The following INTS4 variants were observed in gnomAD, a reference collection of about 807,000 sequenced individuals.
INTS4 encodes integrator complex subunit 4, also known as MSTP093.
In INTS4, 70 loss-of-function variants were observed where a neutral mutation model predicts 119.5. That is an observed-to-expected ratio of 0.59 (90% CI 0.48 to 0.71). The LOEUF is 0.71. INTS4 is among the 30% of genes least tolerant of loss of function. The pLI is 0.00. For missense variants in INTS4, 867 were observed against 1,173.2 expected, an observed-to-expected ratio of 0.74 and a Z score of 3.81; for synonymous variants, 316 against 419.6, an observed-to-expected ratio of 0.75 and a Z score of 3.02.
intron 4 of INTS4, chr11:77,978,283 T>A (rs1313525141): frequency 6.6e-6 from 1 of 152,200 alleles, no homozygotes; most frequent in East Asian, 1.9e-4. Context: ...CTTTCCTGCA[T>A]CTCTGAGATA....
In INTS4 at chr11:77,917,912, G is replaced by C; in HGVS notation, c.1922+909C>G. The stretch of plus-strand genomic sequence containing the variant: ...CCCAGAATAAAGACTGCATGTCCTC[G>C]CTCCTTGAAGTGAGAGATGGCCATG... On this transcript the variant is annotated intron_variant, in intron 15 of 22. Transcript: ENST00000534064. 6.7e-6 allele frequency: 4 copies of C among 594,812 alleles called. No homozygotes were observed. The South Asian group carries it at 7.5e-5, about 11-fold the overall frequency. 36.8% of individuals were successfully genotyped at this position (594,812 alleles called of 1,614,324 possible). A position where few individuals can be genotyped will look rare whatever the true frequency, so the allele number is the denominator to read the frequency against.
chr11:77,902,844 T>C (rs375109628), intron 17 of INTS4, among the ~76,000 whole-genome samples: 1 of 152,176 alleles, frequency 6.6e-6, no homozygotes, highest in Admixed American at 6.5e-5. Context: ...TAAAGCCTAC[T>C]TAATGAACTA....
intron 18 of INTS4, among the ~76,000 whole-genome samples, chr11:77,901,179 T>A (rs917291760): frequency 6.6e-6 from 1 of 152,212 alleles, no homozygotes; most frequent in South Asian, 2.1e-4. Flanking sequence ...TTGTGCTATA[T>A]GTAATGGAGA....
chr11:77,965,932 A>G (rs1459872254), intron 4 of INTS4, among the ~76,000 whole-genome samples: 1 of 152,202 alleles, frequency 6.6e-6, no homozygotes, highest in Non-Finnish European at 1.5e-5. Flanking sequence ...ACTAATTTAC[A>G]TCTTCGCCAA....
At chr11:77,980,673 G>T (rs901621723) in intron 3 of INTS4, among the ~76,000 whole-genome samples, 27 of 152,170 alleles carry the variant, frequency 1.8e-4, no homozygotes, top group Non-Finnish European at 3.7e-4. Context: ...CCTAACCTGT[G>T]CCTAGCCTGT....
intron 8 of INTS4, among the ~76,000 whole-genome samples, chr11:77,942,376 G>A (rs1398704957): frequency 6.6e-6 from 1 of 152,160 alleles, no homozygotes; most frequent in African/African-American, 2.4e-5. Context: ...CAAATGGAAC[G>A]TAAGATAGGG....
At chr11:77,895,853 A>C (rs376293730) in intron 18 of INTS4, among the ~76,000 whole-genome samples, 2 of 152,232 alleles carry the variant, frequency 1.3e-5, no homozygotes, top group African/African-American at 4.8e-5. Flanking sequence ...ATATACATGA[A>C]GTAGGCCTCT....
chr11:77,923,654 T>C (rs1268013855), intron 12 of INTS4, among the ~76,000 whole-genome samples: 1 of 152,144 alleles, frequency 6.6e-6, no homozygotes, highest in East Asian at 1.9e-4. Context: ...TAGCAAAGTG[T>C]CTGTCACATA....
chr11:77,991,140 C>T lies in INTS4; in HGVS notation c.214G>A (p.Val72Ile). Residue 72 changes from valine to isoleucine, a missense_variant, in exon 2 of 23, where the codon GTA (valine) becomes ATA (isoleucine). Coordinates refer to ENST00000534064, the MANE Select transcript of INTS4 (RefSeq NM_033547.4). ...TAATGTTCCAAGAGAATCCTGACTA[C>T]TCCCTCTACGCTTTCCGCCTCGACA... is the stretch of plus-strand genomic sequence containing the variant. ...KPVEAESVEGVVRILLEHYYK... is the reference protein window; with the variant it reads ...KPVEAESVEGIVRILLEHYYK... 6.2e-7 allele frequency: 1 copy of T among 1,614,184 alleles called. No individual in the cohort carries two copies. The highest frequency in any genetic ancestry group is 8.5e-7 in the Non-Finnish European group (1 of 1,180,018).
intron 7 of INTS4, among the ~76,000 whole-genome samples, chr11:77,956,636 T>C (rs11826938): frequency 0.58 from 87,096 of 150,052 alleles, 25,580 homozygotes; most frequent in African/African-American, 0.61. Flanking sequence ...GAACCTGGAA[T>C]GTGGAGGTTG....
rs563987719 is a variant in INTS4 at position 77,961,574 on chromosome 11, A to T, written c.472-436T>A. On this transcript the variant is annotated intron_variant, in intron 4 of 22. Coordinates refer to ENST00000534064, the MANE Select transcript of INTS4 (RefSeq NM_033547.4). ...ATTTTCACAAATACACATATATAAC[A>T]AGCACCCAGATTAAATAGTATATAA... is the stretch of plus-strand genomic sequence containing the variant. 3.9e-5 allele frequency among the ~76,000 whole-genome samples: 6 copies of T among 152,302 alleles called. No homozygotes were observed. In the East Asian group the frequency reaches 1.2e-3, roughly 29 times the overall value.
At chr11:77,973,181 T>C (rs1362661777) in intron 4 of INTS4, among the ~76,000 whole-genome samples, 1 of 152,210 alleles carries the variant, frequency 6.6e-6, no homozygotes, top group East Asian at 1.9e-4. Flanking sequence ...AATTGAATTA[T>C]TTTCCTAATT....
At chr11:77,966,306 C>T (rs1855502729) in intron 4 of INTS4, among the ~76,000 whole-genome samples, 1 of 152,064 alleles carries the variant, frequency 6.6e-6, no homozygotes, top group African/African-American at 2.4e-5. Context: ...TTGATACAGT[C>T]CCATTTGTCT....
At chr11:77,895,568 A>G (rs565276810) in intron 18 of INTS4, among the ~76,000 whole-genome samples, 1 of 148,054 alleles carries the variant, frequency 6.8e-6, no homozygotes, top group Non-Finnish European at 1.5e-5. Flanking sequence ...GTAGCACTTG[A>G]AAGTTTTTAA....
chr11:77,964,360 G>A (rs1406862281), intron 4 of INTS4, among the ~76,000 whole-genome samples: 1 of 151,892 alleles, frequency 6.6e-6, no homozygotes, highest in Non-Finnish European at 1.5e-5. Context: ...GAGGTCAGGA[G>A]ATCGAGACCA....
intron 8 of INTS4, among the ~76,000 whole-genome samples, chr11:77,948,488 A>G (rs1343885270): frequency 6.6e-6 from 1 of 152,012 alleles, no homozygotes; most frequent in African/African-American, 2.4e-5. Flanking sequence ...TCTAATAAAA[A>G]TGCAAAAAAA....
chr11:77,920,158 T>TAC, intron 14 of INTS4, among the ~76,000 whole-genome samples: 1 of 149,432 alleles, frequency 6.7e-6, no homozygotes, highest in Admixed American at 6.7e-5. Flanking sequence ...TATATATATA[T>TAC]ACACATATAT....
chr11:77,957,440 C>G (rs1299451725), intron 7 of INTS4, among the ~76,000 whole-genome samples: 1 of 151,486 alleles, frequency 6.6e-6, no homozygotes, highest in Non-Finnish European at 1.5e-5. Context: ...ATTCCAGCTA[C>G]TTGGGAGGCT....
chr11:77,918,110 C>T (rs954822475), intron 15 of INTS4: 49 of 702,194 alleles, frequency 7.0e-5, no homozygotes, highest in Admixed American at 3.4e-4. Flanking sequence ...GCAGAGGCTG[C>T]TTGATGCAGA....
Sources: gnomAD v4.1 joint callset for allele counts (sites outside exome capture counted in the v4.1 genomes callset) on GRCh38, gnomAD v4.1.1 for gene constraint, MANE v1.5 for transcripts, NCBI Gene and HGNC (gene_info 2026-07-23, HGNC 2026-07-21) for gene names.